IL1RAPL1: variants seen among roughly 807,000 people sequenced by gnomAD.
IL1RAPL1 encodes interleukin 1 receptor accessory protein like 1, also known as interleukin-1 receptor accessory protein-like 1.
Under a neutral mutation model 48.4 loss-of-function variants are expected in IL1RAPL1, and 3 were observed. The observed-to-expected ratio is 0.06, with a 90% CI of 0.03 to 0.16. The LOEUF is 0.16. Ranked by LOEUF, IL1RAPL1 falls within the 10% of genes least tolerant of loss-of-function variation. IL1RAPL1 has a pLI of 1.00. For missense variants in IL1RAPL1, 349 were observed against 530.6 expected (o/e 0.66, Z 3.36); for synonymous variants, 185 against 187.7 (o/e 0.99, Z 0.12).
intron 2 of IL1RAPL1, among the ~76,000 whole-genome samples, chrX:29,176,085 CTTTT>C (rs752040172): frequency 2.6e-5 from 2 of 75,751 alleles, no homozygotes; most frequent in Non-Finnish European, 5.0e-5. Context: ...TGGTAATTTG[CTTTT>C]TTTTTTTTTT....
chrX:28,662,647 TTTAA>T (rs1265653503), intron 1 of IL1RAPL1, among the ~76,000 whole-genome samples: 1 of 111,435 alleles, frequency 9.0e-6, no homozygotes, highest in Admixed American at 9.6e-5. Flanking sequence ...GTTGGCTTTA[TTTAA>T]TTAATTTTCT....
chrX:29,826,993 A>G (rs1428543645), intron 6 of IL1RAPL1, among the ~76,000 whole-genome samples: 1 of 111,798 alleles, frequency 8.9e-6, no homozygotes, highest in Non-Finnish European at 1.9e-5. Flanking sequence ...ATGAGTTCCA[A>G]TTTTTCCACA....
At chrX:28,873,523 C>CTTTTTTTTTTTTT (rs10554661) in intron 2 of IL1RAPL1, among the ~76,000 whole-genome samples, 5 of 56,661 alleles carry the variant, frequency 8.8e-5, no homozygotes, top group African/African-American at 4.0e-4. Flanking sequence ...TTCTTTCTTT[C>CTTTTTTTTTTTTT]TTTTTTTTTT....
chrX:29,928,673 G>A (rs1370223242), intron 8 of IL1RAPL1, among the ~76,000 whole-genome samples: 1 of 112,104 alleles, frequency 8.9e-6, no homozygotes, highest in African/African-American at 3.2e-5. Flanking sequence ...CCATCCTGGA[G>A]CATTAAAACA....
At chrX:29,595,753 A>G (rs1923525950) in intron 5 of IL1RAPL1, among the ~76,000 whole-genome samples, 1 of 111,401 alleles carries the variant, frequency 9.0e-6, no homozygotes, top group Non-Finnish European at 1.9e-5. Flanking sequence ...AGTCCCATCT[A>G]TTTATCTTTG....
Position 29,043,907 on chromosome X carries a change from A to C in IL1RAPL1, c.83-239031A>C, listed in dbSNP as rs1391048700. Among the ~76,000 whole-genome samples the C allele has an allele frequency of 2.7e-5, 3 of 111,852 alleles. 1 individual carries two copies. In the East Asian group the frequency reaches 8.4e-4, roughly 31 times the overall value. On this transcript the variant is annotated intron_variant, in intron 2 of 10. Transcript: ENST00000378993. ...AGACATCTTGTAAGCTGTCAAGCTG[A>C]TACTCATCTCAGGGGAGCTTAGAGG...
chrX:29,235,642 T>A (rs760367473), intron 2 of IL1RAPL1, among the ~76,000 whole-genome samples: 35 of 111,919 alleles, frequency 3.1e-4, no homozygotes, highest in Non-Finnish European at 6.2e-4. Context: ...AACACTGACA[T>A]TGGAAAACTG....
At chrX:28,887,144 G>C (rs184459040) in intron 2 of IL1RAPL1, among the ~76,000 whole-genome samples, 7 of 111,190 alleles carry the variant, frequency 6.3e-5, no homozygotes, top group Non-Finnish European at 1.1e-4. Context: ...GAGAGGTGGA[G>C]CCTTTAAACA....
intron 5 of IL1RAPL1, among the ~76,000 whole-genome samples, chrX:29,460,766 C>T (rs894594015): frequency 8.9e-6 from 1 of 111,773 alleles, no homozygotes; most frequent in Non-Finnish European, 1.9e-5. Context: ...AAAATCAGCC[C>T]TGCCTGTGAC....
chrX:29,330,412 T>C (rs1018282347), intron 3 of IL1RAPL1, among the ~76,000 whole-genome samples: 3 of 111,793 alleles, frequency 2.7e-5, no homozygotes, highest in South Asian at 3.7e-4. Flanking sequence ...ACAGGAGTAT[T>C]ACAACAGAAA....
chrX:29,138,026 A>C (rs1929166654), intron 2 of IL1RAPL1, among the ~76,000 whole-genome samples: 1 of 112,476 alleles, frequency 8.9e-6, no homozygotes, highest in Non-Finnish European at 1.9e-5. Flanking sequence ...CACTGAAGCA[A>C]TTTTAATTTG....
At chrX:28,829,635 C>T (rs1920999434) in intron 2 of IL1RAPL1, among the ~76,000 whole-genome samples, 1 of 105,272 alleles carries the variant, frequency 9.5e-6, no homozygotes, top group Admixed American at 1.0e-4. Flanking sequence ...TCTCGGCTCA[C>T]TTCAACCTCT....
intron 3 of IL1RAPL1, among the ~76,000 whole-genome samples, chrX:29,293,023 ACT>A (rs1932394177): frequency 9.0e-6 from 1 of 111,467 alleles, no homozygotes. Flanking sequence ...CAGCTGGATA[ACT>A]CTGATGATTC....
chrX:29,740,147 A>G (rs1928165385), intron 6 of IL1RAPL1, among the ~76,000 whole-genome samples: 1 of 103,964 alleles, frequency 9.6e-6, no homozygotes, highest in Non-Finnish European at 1.9e-5. Context: ...AAAAAGAAGC[A>G]GCAGCAGCAG....
At chrX:29,167,893 A>G (rs1048033584) in intron 2 of IL1RAPL1, among the ~76,000 whole-genome samples, 4 of 110,754 alleles carry the variant, frequency 3.6e-5, no homozygotes, top group African/African-American at 1.3e-4. Flanking sequence ...ACTTCCCTCT[A>G]ATCTTTTTAA....
intron 1 of IL1RAPL1, among the ~76,000 whole-genome samples, chrX:28,611,071 C>G (rs1046905626): frequency 6.3e-5 from 7 of 111,488 alleles, no homozygotes; most frequent in African/African-American, 9.8e-5. Context: ...GGAAGCATCC[C>G]TGAGTTAGTG....
intron 2 of IL1RAPL1, among the ~76,000 whole-genome samples, chrX:28,974,500 A>C (rs770282448): frequency 1.8e-5 from 2 of 111,704 alleles, no homozygotes; most frequent in Non-Finnish European, 3.8e-5. Context: ...GGCTCAAGAA[A>C]CCTCTGTTAA....
At position 29,955,620 on chromosome X, in the gene IL1RAPL1, G is replaced by A. The variant is rs1933404123; in HGVS notation, c.1891G>A (p.Asp631Asn). 10 of 1,208,972 alleles carry A rather than the reference G, an allele frequency of 8.3e-6. No individual in the cohort carries two copies. The highest frequency in any genetic ancestry group is 1.1e-5 in the Non-Finnish European group (10 of 893,840). ...ACACTACTACCGAAGCTATGAGTACGACGTACCTCCTACCGGCACCCTGCC... is the reference window on the plus strand; with the variant it reads ...ACACTACTACCGAAGCTATGAGTACAACGTACCTCCTACCGGCACCCTGCC... ...QKHYYRSYEY[D>N]VPPTGTLPLT... is the part of the protein sequence containing the mutation. Residue 631 changes from aspartate (D) to asparagine (N), a missense_variant, in exon 11 of 11, where the codon GAC (aspartate) becomes AAC (asparagine). Physicochemically the swap from Asp to Asn is conservative, Grantham distance 23. Coordinates refer to ENST00000378993, the MANE Select transcript of IL1RAPL1 (RefSeq NM_014271.4).
intron 2 of IL1RAPL1, among the ~76,000 whole-genome samples, chrX:29,264,570 C>T (rs1455296786): frequency 9.1e-6 from 1 of 110,155 alleles, no homozygotes; most frequent in African/African-American, 3.3e-5. Context: ...ATAACACACT[C>T]CTAAAAAGAG....
Sources: allele counts gnomAD v4.1 joint callset (sites outside exome capture counted in the v4.1 genomes callset), GRCh38; gene constraint gnomAD v4.1.1; transcripts MANE v1.5; gene names NCBI Gene and HGNC (gene_info 2026-07-23, HGNC 2026-07-21).